Variants in LSAMP observed in about 807,000 individuals in gnomAD.
LSAMP encodes the protein limbic system-associated membrane protein.
A neutral mutation model predicts 38.6 loss-of-function variants in LSAMP; 7 were observed. The ratio of observed to expected loss-of-function variants is 0.18; its 90% CI spans 0.10 to 0.34. The LOEUF is 0.34. LSAMP is among the 10% of genes least tolerant of loss of function. The pLI is 1.00. For missense variants in LSAMP, 313 were observed against 420.0 expected (o/e 0.75, Z 2.23); for synonymous variants, 154 against 166.8 (o/e 0.92, Z 0.59).
intron 1 of LSAMP, among the ~76,000 whole-genome samples, chr3:116,107,951 A>C (rs1708506331): frequency 6.6e-6 from 1 of 152,196 alleles, no homozygotes; most frequent in Non-Finnish European, 1.5e-5. Flanking sequence ...GTTTTAGGAC[A>C]GGTAAAATGG....
intron 1 of LSAMP, among the ~76,000 whole-genome samples, chr3:116,218,107 G>T (rs72945957): frequency 1.3e-5 from 2 of 152,024 alleles, no homozygotes; most frequent in African/African-American, 2.4e-5. Context: ...AGACAATTCC[G>T]AAGAGTTCGG....
chr3:116,271,879 A>G (rs1021926177), intron 1 of LSAMP, among the ~76,000 whole-genome samples: 7 of 152,214 alleles, frequency 4.6e-5, no homozygotes, highest in Middle Eastern at 3.4e-3. Flanking sequence ...AACTAAGAAT[A>G]GAAGGAAGTA....
At chr3:116,066,253 C>A (rs1423353789) in intron 2 of LSAMP, among the ~76,000 whole-genome samples, 1 of 152,132 alleles carries the variant, frequency 6.6e-6, no homozygotes, top group Admixed American at 6.6e-5. Flanking sequence ...GAGGGTCGAG[C>A]CTAATCACTT....
chr3:116,261,847 A>G (rs951029396), intron 1 of LSAMP, among the ~76,000 whole-genome samples: 2 of 149,166 alleles, frequency 1.3e-5, no homozygotes, highest in African/African-American at 2.4e-5. Context: ...CATATATGTT[A>G]TTATAATATA....
chr3:116,395,822 A>T (rs2048759712), intron 1 of LSAMP, among the ~76,000 whole-genome samples: 1 of 152,124 alleles, frequency 6.6e-6, no homozygotes, highest in South Asian at 2.1e-4. Context: ...AAAATTGCCT[A>T]TTTTCTTACA....
chr3:116,357,794 G>A lies in LSAMP; in HGVS notation c.155+87083C>T, dbSNP rs374368960. The stretch of plus-strand genomic sequence containing the variant: ...TAATAAATAAACCCTAAAAGGAAGA[G>A]TCTAAAAAGAATTTACATCAGTTCA... On this transcript the variant is annotated intron_variant, in intron 1 of 6. Coordinates refer to ENST00000490035, the MANE Select transcript of LSAMP (RefSeq NM_002338.5). 2.6e-5 allele frequency among the ~76,000 whole-genome samples: 4 copies of A among 152,014 alleles called. No individual in the cohort carries two copies. The East Asian group carries it at 7.7e-4, about 29-fold the overall frequency.
intron 3 of LSAMP, among the ~76,000 whole-genome samples, chr3:115,900,650 G>T (rs1376484278): frequency 6.6e-6 from 1 of 152,112 alleles, no homozygotes; most frequent in Non-Finnish European, 1.5e-5. Flanking sequence ...AGGATGGAAG[G>T]GTACATGAGC....
intron 1 of LSAMP, among the ~76,000 whole-genome samples, chr3:116,202,110 C>T (rs1344156425): frequency 6.6e-6 from 1 of 151,686 alleles, no homozygotes; most frequent in South Asian, 2.1e-4. Flanking sequence ...CCTCTCCTCT[C>T]CTTTACTTTT....
chr3:115,971,742 A>G (rs955688498), intron 3 of LSAMP, among the ~76,000 whole-genome samples: 12 of 152,282 alleles, frequency 7.9e-5, no homozygotes, highest in African/African-American at 2.9e-4. Context: ...ATACAACATT[A>G]ATTGATTATA....
At chr3:115,957,748 A>T (rs995642892) in intron 3 of LSAMP, among the ~76,000 whole-genome samples, 3 of 152,152 alleles carry the variant, frequency 2.0e-5, no homozygotes, top group Non-Finnish European at 4.4e-5. Context: ...ATACAGCAAG[A>T]CCATTTTGTA....
chr3:116,046,429 C>A lies in LSAMP; in HGVS notation c.389-26789G>T, dbSNP rs551736418. On this transcript the variant is annotated intron_variant, in intron 2 of 6. Coordinates refer to ENST00000490035, the MANE Select transcript of LSAMP (RefSeq NM_002338.5). ...GAAAAAAAAAATACAGCCCATACAGCTTGCAGAGCAATTGTTCCTGCACAG... is the reference window on the plus strand; with the variant it reads ...GAAAAAAAAAATACAGCCCATACAGATTGCAGAGCAATTGTTCCTGCACAG... Among the ~76,000 whole-genome samples the A allele has an allele frequency of 2.6e-5, 4 of 152,320 alleles. No individual in the cohort carries two copies. The East Asian group carries it at 7.7e-4, about 29-fold the overall frequency.
chr3:116,074,417 T>G (rs1331115583), intron 2 of LSAMP, among the ~76,000 whole-genome samples: 1 of 152,202 alleles, frequency 6.6e-6, no homozygotes, highest in Non-Finnish European at 1.5e-5. Context: ...TTATGACACT[T>G]TCCATAATTT....
chr3:116,144,651 T>A lies in LSAMP; in HGVS notation c.156-58095A>T, dbSNP rs180963424. ...ATGTTTATATTTGTCAGTGTTTTTT[T>A]ATTAACCTGGTCAAATGTATTTGGA... On this transcript the variant is annotated intron_variant, in intron 1 of 6. Coordinates refer to ENST00000490035, the MANE Select transcript of LSAMP (RefSeq NM_002338.5). Among the ~76,000 whole-genome samples, 159 of 152,056 alleles carry A rather than the reference T, an allele frequency of 1.0e-3. 2 individuals carry two copies. In the East Asian group the frequency reaches 0.021, roughly 20 times the overall value.
intron 3 of LSAMP, among the ~76,000 whole-genome samples, chr3:115,949,433 T>C (rs1404239032): frequency 6.6e-6 from 1 of 152,004 alleles, no homozygotes; most frequent in Non-Finnish European, 1.5e-5. Context: ...CAAAAGGTCA[T>C]TCAAGGCTAC....
intron 3 of LSAMP, among the ~76,000 whole-genome samples, chr3:115,947,638 T>G (rs1938144612): frequency 1.3e-5 from 2 of 152,174 alleles, no homozygotes. Flanking sequence ...ATTATGAGAT[T>G]TTTTATTTTT....
intron 1 of LSAMP, among the ~76,000 whole-genome samples, chr3:116,253,226 G>GA (rs10719370): frequency 4.6e-5 from 7 of 151,658 alleles, no homozygotes; most frequent in Admixed American, 3.3e-4. Context: ...AATAAATACA[G>GA]AAAAAAAAAC....
At position 116,330,553 on chromosome 3, in the gene LSAMP, C is replaced by A. The variant is rs551250718; in HGVS notation, c.155+114324G>T. 3.5e-4 allele frequency among the ~76,000 whole-genome samples: 54 copies of A among 152,160 alleles called. 2 individuals carry two copies. In the South Asian group the frequency reaches 6.4e-3, roughly 18 times the overall value. On this transcript the variant is annotated intron_variant, in intron 1 of 6. Transcript: ENST00000490035. ...GACTTAAAGGACCAGCATGCTCCCC[C>A]CCCCACAACCTTTTTATTTTTCTTT...
intron 1 of LSAMP, among the ~76,000 whole-genome samples, chr3:116,305,924 A>C (rs2047478066): frequency 9.6e-6 from 1 of 103,830 alleles, no homozygotes; most frequent in Admixed American, 1.4e-4. Context: ...TAATGAAATT[A>C]TTTCAGTGCT....
intron 1 of LSAMP, among the ~76,000 whole-genome samples, chr3:116,269,366 T>C (rs1245778352): frequency 6.6e-6 from 1 of 151,928 alleles, no homozygotes; most frequent in Non-Finnish European, 1.5e-5. Flanking sequence ...TGTTCACATT[T>C]ACAATCTGTC....
Sources: allele counts gnomAD v4.1 joint callset (sites outside exome capture counted in the v4.1 genomes callset), GRCh38; gene constraint gnomAD v4.1.1; transcripts MANE v1.5; gene names NCBI Gene and HGNC (gene_info 2026-07-23, HGNC 2026-07-21).